Variants in HHLA1 observed in about 807,000 individuals in gnomAD.
The protein encoded by HHLA1 is HERV-H LTR-associating protein 1.
Under a neutral mutation model 69.9 loss-of-function variants are expected in HHLA1, and 72 were observed. That is an observed-to-expected ratio of 1.03 (90% CI 0.85 to 1.25). HHLA1 has a LOEUF of 1.25. Ranked by LOEUF, HHLA1 falls within the 50% of genes most tolerant of loss-of-function variation. The pLI is 0.00. For synonymous variants in HHLA1, 252 were observed against 233.2 expected, an observed-to-expected ratio of 1.08 and a Z score of -0.73; for missense variants, 685 against 642.2, an observed-to-expected ratio of 1.07 and a Z score of -0.72.
At position 132,062,045 on chromosome 8, in the gene HHLA1, T is replaced by C. The variant is rs1340027517; in HGVS notation, c.*1950A>G. 1.3e-5 allele frequency: 2 copies of C among 152,210 alleles called. No homozygotes were observed. The highest frequency in any genetic ancestry group is 2.9e-5 in the Non-Finnish European group (2 of 68,038). 9.4% of individuals were successfully genotyped at this position (152,210 alleles called of 1,614,324 possible). A position where few individuals can be genotyped will look rare whatever the true frequency, so the allele number is the denominator to read the frequency against. ...TCCATCCATTCTTCACCTTCCTTGA[T>C]GATAAGTTACTCTTTGAGGAACCTT... is the stretch of plus-strand genomic sequence containing the variant. On this transcript the variant is annotated 3_prime_UTR_variant, in exon 17 of 17. Coordinates refer to ENST00000414222, the MANE Select transcript of HHLA1 (RefSeq NM_001145095.3).
intron 14 of HHLA1, among the ~76,000 whole-genome samples, chr8:132,073,894 C>T (rs765070719): frequency 5.3e-5 from 8 of 152,248 alleles, no homozygotes; most frequent in Non-Finnish European, 1.2e-4. Flanking sequence ...TTTCCAGTCA[C>T]CATCACCACT....
chr8:132,076,497 T>A lies in HHLA1; in HGVS notation c.1218A>T (p.Thr406=). 2 of 1,301,904 alleles carry A rather than the reference T, an allele frequency of 1.5e-6. No homozygotes were observed. The highest frequency in any genetic ancestry group is 1.0e-6 in the Non-Finnish European group (1 of 992,976). 80.6% of individuals were successfully genotyped at this position (1,301,904 alleles called of 1,614,324 possible). ...CACCTGTTTGTGGATATCTGGGGGC[T>A]GTTGCCTTGGTTGGACTCGGAGTCT... The part of the protein sequence containing the change: ...GTQTPSPTKA[T]APRYPQTGDL... The change falls in exon 13 of 17, where the codon ACA becomes ACT. Residue 406 remains threonine, a synonymous_variant. Coordinates refer to ENST00000414222, the MANE Select transcript of HHLA1 (RefSeq NM_001145095.3).
At chr8:132,075,828 A>G (rs1173109051) in intron 14 of HHLA1, among the ~76,000 whole-genome samples, 1 of 152,212 alleles carries the variant, frequency 6.6e-6, no homozygotes, top group African/African-American at 2.4e-5. Flanking sequence ...AAAAACAGGC[A>G]TTTTTAGTGC....
intron 7 of HHLA1, among the ~76,000 whole-genome samples, chr8:132,094,317 CTT>C (rs1823988116): frequency 6.6e-6 from 1 of 152,198 alleles, no homozygotes; most frequent in Non-Finnish European, 1.5e-5. Context: ...GATCATGTCC[CTT>C]CCCTGTGCAG....
At chr8:132,082,512 G>A (rs896465269) in intron 10 of HHLA1, among the ~76,000 whole-genome samples, 18 of 152,084 alleles carry the variant, frequency 1.2e-4, no homozygotes, top group Admixed American at 3.3e-4. Flanking sequence ...GGGAGAGCAC[G>A]TGTGTTTTTA....
intron 3 of HHLA1, among the ~76,000 whole-genome samples, chr8:132,102,996 T>C (rs1482980198): frequency 6.6e-6 from 1 of 152,180 alleles, no homozygotes; most frequent in Non-Finnish European, 1.5e-5. Flanking sequence ...TTTTCTATTT[T>C]TGGATAAAAA....
chr8:132,075,992 C>T (rs908805601), intron 14 of HHLA1, 63 bp downstream of exon 14: 59 of 1,207,572 alleles, frequency 4.9e-5, no homozygotes, highest in Non-Finnish European at 6.8e-5. Context: ...TCTCCTTATT[C>T]TACTACATGA....
intron 1 of HHLA1, among the ~76,000 whole-genome samples, chr8:132,109,283 C>T (rs980443189): frequency 6.6e-6 from 1 of 152,092 alleles, no homozygotes. Flanking sequence ...AAGCACAGAC[C>T]CTGGCGTTGG....
intron 11 of HHLA1, among the ~76,000 whole-genome samples, chr8:132,078,190 AC>A (rs1823680948): frequency 6.6e-6 from 1 of 151,754 alleles, no homozygotes; most frequent in South Asian, 2.1e-4. Flanking sequence ...ACACACACAC[AC>A]ACACACACAC....
chr8:132,069,981 C>T (rs1480844338), intron 15 of HHLA1: 1 of 126,332 alleles, frequency 7.9e-6, no homozygotes, highest in Non-Finnish European at 1.5e-5. Flanking sequence ...GCTTATTGCC[C>T]TCTATGAATG....
intron 7 of HHLA1, 56 bp downstream of exon 7, chr8:132,095,463 A>G (rs1276274982): frequency 3.2e-5 from 39 of 1,205,382 alleles, no homozygotes; most frequent in Non-Finnish European, 4.4e-5. Flanking sequence ...AAACTTATCT[A>G]AAAGGACACA....
chr8:132,064,277 C>T (rs184010747), intron 16 of HHLA1, among the ~76,000 whole-genome samples: 1 of 152,204 alleles, frequency 6.6e-6, no homozygotes, highest in African/African-American at 2.4e-5. Context: ...TTTCTCCACT[C>T]ACTGCCCAAT....
At chr8:132,087,522 G>A (rs1441290375) in intron 10 of HHLA1, 131 bp downstream of exon 10, 2 of 613,682 alleles carry the variant, frequency 3.3e-6, no homozygotes, top group Non-Finnish European at 5.8e-6. Context: ...TTTTTAAAAT[G>A]ACGAAGTTCT....
At chr8:132,075,149 A>T (rs1823613757) in intron 14 of HHLA1, among the ~76,000 whole-genome samples, 2 of 152,216 alleles carry the variant, frequency 1.3e-5, no homozygotes, top group South Asian at 2.1e-4. Flanking sequence ...TTTGTGTCTG[A>T]AAGGTTCATT....
chr8:132,109,364 C>T (rs529093581), intron 1 of HHLA1, among the ~76,000 whole-genome samples: 32 of 152,246 alleles, frequency 2.1e-4, no homozygotes, highest in African/African-American at 7.2e-4. Flanking sequence ...GGATTGCAGG[C>T]GTGAGCCACT....
chr8:132,074,225 T>C (rs543535885), intron 14 of HHLA1, among the ~76,000 whole-genome samples: 20 of 152,282 alleles, frequency 1.3e-4, no homozygotes, highest in African/African-American at 4.3e-4. Context: ...ATCAATAAAC[T>C]CTTGAACCAT....
At chr8:132,071,216 G>A in intron 15 of HHLA1, 124 bp downstream of exon 15, 1 of 751,418 alleles carries the variant, frequency 1.3e-6, no homozygotes, top group East Asian at 2.7e-5. Flanking sequence ...TTACCTTGAG[G>A]TAACCCCTAC....
intron 15 of HHLA1, among the ~76,000 whole-genome samples, chr8:132,068,525 T>C (rs1200654522): frequency 6.6e-6 from 1 of 152,206 alleles, no homozygotes; most frequent in African/African-American, 2.4e-5. Flanking sequence ...GGCTAGATGG[T>C]CTTAGAAGAA....
intron 7 of HHLA1, among the ~76,000 whole-genome samples, chr8:132,091,580 CAA>C (rs1280287603): frequency 6.6e-6 from 1 of 152,166 alleles, no homozygotes; most frequent in African/African-American, 2.4e-5. Flanking sequence ...ATTATTAACT[CAA>C]AGATATTCTT....
Sources: gnomAD v4.1 joint callset for allele counts (sites outside exome capture counted in the v4.1 genomes callset) on GRCh38, gnomAD v4.1.1 for gene constraint, MANE v1.5 for transcripts, NCBI Gene and HGNC (gene_info 2026-07-23, HGNC 2026-07-21) for gene names.